ELMOD1: variants seen among roughly 807,000 people sequenced by gnomAD.
The protein encoded by ELMOD1 is ELMO domain containing 1.
ELMOD1 carries 21 observed loss-of-function variants against 46.7 expected under a neutral mutation model. That is an observed-to-expected ratio of 0.45 (90% CI 0.32 to 0.65). The LOEUF is 0.65. ELMOD1 is among the 30% of genes least tolerant of loss of function. ELMOD1 has a pLI of 0.04. For synonymous variants in ELMOD1, 122 were observed against 138.2 expected (o/e 0.88, Z 0.82); for missense variants, 348 against 407.8 (o/e 0.85, Z 1.26).
rs745525997 is a variant in ELMOD1, at chr11:107,656,085, A to C, written c.832+19A>C. ...ACATTCTGTAAGTATCCTGTTGTAT[A>C]ATTATCAATATAGGTTTCTACGCTG... is the stretch of plus-strand genomic sequence containing the variant. On this transcript the variant is annotated intron_variant, in intron 11 of 11. Coordinates refer to ENST00000265840, the MANE Select transcript of ELMOD1 (RefSeq NM_018712.4). The C allele has an allele frequency of 6.4e-7, 1 of 1,551,382 alleles. No individual in the cohort carries two copies. Among genetic ancestry groups the C allele is most frequent in the Non-Finnish European group, 8.7e-7 (1 of 1,146,978 alleles).
intron 1 of ELMOD1, among the ~76,000 whole-genome samples, chr11:107,607,162 C>G (rs1865699153): frequency 6.6e-6 from 1 of 152,184 alleles, no homozygotes; most frequent in Admixed American, 6.5e-5. Flanking sequence ...AAAATCTCCA[C>G]TTGATGGGCT....
At chr11:107,660,038 A>G (rs1866706896) in intron 11 of ELMOD1, among the ~76,000 whole-genome samples, 1 of 152,062 alleles carries the variant, frequency 6.6e-6, no homozygotes, top group South Asian at 2.1e-4. Flanking sequence ...CCCCCTATGG[A>G]TTGTGGTGTA....
At chr11:107,635,854 C>G in intron 6 of ELMOD1, 89 bp downstream of exon 6, 1 of 1,364,298 alleles carries the variant, frequency 7.3e-7, no homozygotes, top group East Asian at 2.7e-5. Context: ...CTCTGGACAT[C>G]AGGGGTACAA....
At chr11:107,632,364 C>G (rs1257513630) in intron 5 of ELMOD1, among the ~76,000 whole-genome samples, 1 of 152,168 alleles carries the variant, frequency 6.6e-6, no homozygotes, top group African/African-American at 2.4e-5. Flanking sequence ...TGGTAACAAT[C>G]AAACTGTCTT....
At position 107,598,969 on chromosome 11, in the gene ELMOD1, A is replaced by G. The variant is rs186376790; in HGVS notation, c.-86+7560A>G. Among the ~76,000 whole-genome samples the G allele has an allele frequency of 1.1e-4, 16 of 152,358 alleles. No individual in the cohort carries two copies. In the East Asian group the frequency reaches 2.7e-3, roughly 26 times the overall value. On this transcript the variant is annotated intron_variant, in intron 1 of 11. Transcript: ENST00000265840. ...TTTTTACGTGGGACCTATTGAGCAC[A>G]CAACACTGAGAAAGGCACAAAAGGA...
At chr11:107,654,248 G>C in intron 10 of ELMOD1, 26 bp downstream of exon 10, 1 of 1,575,744 alleles carries the variant, frequency 6.3e-7, no homozygotes, top group Non-Finnish European at 8.6e-7. Flanking sequence ...CACATGGAAA[G>C]ATGGTCCGTC....
intron 10 of ELMOD1, among the ~76,000 whole-genome samples, chr11:107,655,573 C>CTTTTTTTTTTTTTTTTTTTTT (rs746890763): frequency 1.2e-4 from 14 of 112,466 alleles, no homozygotes; most frequent in Admixed American, 2.2e-4. Context: ...ATTGAAATGC[C>CTTTTTTTTTTTTTTTTTTTTT]TTTTTTTTTT....
At chr11:107,647,438 A>G in intron 6 of ELMOD1, 30 bp from the exon 7 acceptor site, 2 of 1,600,674 alleles carry the variant, frequency 1.2e-6, no homozygotes, top group Non-Finnish European at 1.7e-6. Flanking sequence ...GGGTGTATCA[A>G]CAGAGTAATC....
intron 1 of ELMOD1, among the ~76,000 whole-genome samples, chr11:107,597,896 A>T (rs1865520721): frequency 6.6e-6 from 1 of 152,180 alleles, no homozygotes; most frequent in Admixed American, 6.5e-5. Flanking sequence ...AGTAGCCATA[A>T]AATAGGCTTG....
intron 11 of ELMOD1, among the ~76,000 whole-genome samples, chr11:107,658,804 G>A (rs1489588950): frequency 6.6e-6 from 1 of 152,152 alleles, no homozygotes; most frequent in East Asian, 1.9e-4. Context: ...GTGTGATGGC[G>A]CACGCCTGTA....
intron 1 of ELMOD1, among the ~76,000 whole-genome samples, chr11:107,597,408 A>G (rs973141336): frequency 6.6e-6 from 1 of 152,212 alleles, no homozygotes; most frequent in Non-Finnish European, 1.5e-5. Context: ...AATTAATGCT[A>G]TACTTTGGTT....
intron 6 of ELMOD1, among the ~76,000 whole-genome samples, chr11:107,636,589 C>G (rs1475907395): frequency 6.6e-6 from 1 of 152,168 alleles, no homozygotes; most frequent in African/African-American, 2.4e-5. Flanking sequence ...ATTTGTTTAG[C>G]TGCCTTTATT....
At position 107,631,564 on chromosome 11, in the gene ELMOD1, A is replaced by G; in HGVS notation, c.193-16A>G. On this transcript the variant is annotated splice_polypyrimidine_tract_variant and intron_variant, in intron 4 of 11. Transcript: ENST00000265840. ...GGTGTTAATGAAAAGGAAAGTGATT[A>G]AAACATGTTTTCCAGCTGTTGCAGA... 6.6e-7 allele frequency: 1 copy of G among 1,515,742 alleles called. No individual in the cohort carries two copies. The highest frequency in any genetic ancestry group is 1.2e-5 in the South Asian group (1 of 80,044). The allele number at this position is 1,515,742 out of a possible 1,614,324, so 93.9% of individuals were successfully genotyped here.
chr11:107,601,541 G>A (rs529428699), intron 1 of ELMOD1, among the ~76,000 whole-genome samples: 4 of 149,304 alleles, frequency 2.7e-5, no homozygotes, highest in South Asian at 2.1e-4. Flanking sequence ...TCAGCCTCCC[G>A]AGTAGCTGGG....
At chr11:107,606,223 C>T (rs886726293) in intron 1 of ELMOD1, among the ~76,000 whole-genome samples, 4 of 152,204 alleles carry the variant, frequency 2.6e-5, no homozygotes, top group African/African-American at 4.8e-5. Context: ...CAAACTTAGC[C>T]ATTATCTCAA....
chr11:107,636,007 G>T (rs147335987), intron 6 of ELMOD1, among the ~76,000 whole-genome samples: 3 of 152,190 alleles, frequency 2.0e-5, no homozygotes, highest in Non-Finnish European at 4.4e-5. Context: ...CTGAGAAAAC[G>T]TCAGAGGTGA....
intron 11 of ELMOD1, among the ~76,000 whole-genome samples, chr11:107,663,387 G>A (rs938583386): frequency 6.6e-6 from 1 of 152,178 alleles, no homozygotes; most frequent in Admixed American, 6.5e-5. Flanking sequence ...GCATGTGCCT[G>A]TAGTCCCAGC....
rs1303471312 is a variant in ELMOD1 at position 107,635,688 on chromosome 11, C to T, written c.343C>T (p.Leu115Phe). The change falls in exon 6 of 12, where the codon CTT (leucine) becomes TTT (phenylalanine). Residue 115 changes from leucine (L) to phenylalanine (F), a missense_variant. By Grantham distance (22) the Leu-to-Phe change is conservative. Transcript: ENST00000265840. Reference sequence around the variant, plus strand: ...TCTGCAAATCGTTGGGTACAGGAACCTTATTGCAGATGTGGAAAAACTGCG... The same window carrying T: ...TCTGCAAATCGTTGGGTACAGGAACTTTATTGCAGATGTGGAAAAACTGCG... ...CLLQIVGYRNLIADVEKLRRE... is the reference protein window; with the variant it reads ...CLLQIVGYRNFIADVEKLRRE... 10 of 1,613,880 alleles carry T rather than the reference C, an allele frequency of 6.2e-6. No individual in the cohort carries two copies. The South Asian group carries it at 9.9e-5, about 16-fold the overall frequency.
intron 2 of ELMOD1, among the ~76,000 whole-genome samples, chr11:107,622,031 A>G (rs1200997233): frequency 6.6e-6 from 1 of 152,148 alleles, no homozygotes; most frequent in Non-Finnish European, 1.5e-5. Flanking sequence ...CCATCTCAAA[A>G]ATAAATGAAT....
Sources: allele counts gnomAD v4.1 joint callset (sites outside exome capture counted in the v4.1 genomes callset), GRCh38; gene constraint gnomAD v4.1.1; transcripts MANE v1.5; gene names NCBI Gene and HGNC (gene_info 2026-07-23, HGNC 2026-07-21).